PCCA: variants seen among roughly 807,000 people sequenced by gnomAD.
PCCA encodes the protein propionyl-CoA carboxylase subunit alpha, also known as propionyl-CoA carboxylase alpha chain, mitochondrial.
PCCA carries 74 observed loss-of-function variants against 101.3 expected under a neutral mutation model. The ratio of observed to expected loss-of-function variants is 0.73; its 90% CI spans 0.61 to 0.89. PCCA has a LOEUF of 0.89. Ranked by LOEUF, PCCA falls within the 40% of genes least tolerant of loss-of-function variation. The probability of loss-of-function intolerance (pLI) is 0.00; values close to 1 mark genes in which losing one functional copy is unlikely to be tolerated. For synonymous variants in PCCA, 294 were observed against 313.6 expected, an observed-to-expected ratio of 0.94 and a Z score of 0.66; for missense variants, 891 against 907.0, an observed-to-expected ratio of 0.98 and a Z score of 0.23.
chr13:100,393,316 A>G (rs778893843), intron 19 of PCCA, among the ~76,000 whole-genome samples: 3 of 152,124 alleles, frequency 2.0e-5, no homozygotes, highest in Non-Finnish European at 4.4e-5. Context: ...TTACCACTTT[A>G]AAGGCCAAAA....
At chr13:100,298,302 G>A (rs1595181229) in intron 12 of PCCA, among the ~76,000 whole-genome samples, 2 of 152,118 alleles carry the variant, frequency 1.3e-5, no homozygotes, top group Non-Finnish European at 2.9e-5. Context: ...TGCTGCGCAA[G>A]GCCCTTCTCT....
At chr13:100,293,626 A>G (rs1263614318) in intron 12 of PCCA, among the ~76,000 whole-genome samples, 1 of 152,166 alleles carries the variant, frequency 6.6e-6, no homozygotes, top group Non-Finnish European at 1.5e-5. Context: ...TCTTGTCAGA[A>G]GGGGCATTTT....
At chr13:100,298,032 A>C (rs150977674) in intron 12 of PCCA, among the ~76,000 whole-genome samples, 1 of 149,444 alleles carries the variant, frequency 6.7e-6, no homozygotes, top group African/African-American at 2.5e-5. Flanking sequence ...CAAGATTTAT[A>C]TATTCACATG....
At chr13:100,513,357 T>C (rs1460530176) in intron 21 of PCCA, among the ~76,000 whole-genome samples, 3 of 152,274 alleles carry the variant, frequency 2.0e-5, no homozygotes, top group Admixed American at 6.5e-5. Context: ...CCCAAACAGA[T>C]TTAAGAACAA....
chr13:100,436,356 G>A (rs546576217), intron 20 of PCCA, among the ~76,000 whole-genome samples: 1 of 152,348 alleles, frequency 6.6e-6, no homozygotes, highest in South Asian at 2.1e-4. Context: ...GTTTTGGACA[G>A]CAACCATTCA....
At chr13:100,205,963 C>A (rs143246292) in intron 6 of PCCA, among the ~76,000 whole-genome samples, 1 of 152,058 alleles carries the variant, frequency 6.6e-6, no homozygotes, top group African/African-American at 2.4e-5. Flanking sequence ...CACCTGGAGA[C>A]GTAGAGTTGA....
At chr13:100,519,045 G>C (rs2087038460) in intron 22 of PCCA, among the ~76,000 whole-genome samples, 1 of 152,272 alleles carries the variant, frequency 6.6e-6, no homozygotes, top group Admixed American at 6.5e-5. Flanking sequence ...CATTCGCTTT[G>C]TTAGCCTTTT....
At chr13:100,154,038 CT>C (rs981530833) in intron 4 of PCCA, among the ~76,000 whole-genome samples, 1 of 151,096 alleles carries the variant, frequency 6.6e-6, no homozygotes, top group Non-Finnish European at 1.5e-5. Context: ...TATTTGCCAC[CT>C]TTGACTTTTT....
chr13:100,152,595 C>T (rs972880805), intron 4 of PCCA, among the ~76,000 whole-genome samples: 3 of 151,932 alleles, frequency 2.0e-5, no homozygotes, highest in African/African-American at 7.3e-5. Context: ...TACAGGCGTC[C>T]GCCACCACGC....
intron 18 of PCCA, among the ~76,000 whole-genome samples, chr13:100,348,803 CCTTCCTTCCTTCCTTT>C (rs1325565593): frequency 2.8e-5 from 3 of 108,608 alleles, no homozygotes; most frequent in East Asian, 5.0e-4. Context: ...TTCCTTCCTT[CCTTCCTTCCTTCCTTT>C]CTTTCTTTTC....
At chr13:100,221,045 A>T (rs2059784850) in intron 7 of PCCA, among the ~76,000 whole-genome samples, 1 of 152,214 alleles carries the variant, frequency 6.6e-6, no homozygotes, top group Non-Finnish European at 1.5e-5. Context: ...TTGGATGATG[A>T]TCTGATGAAA....
At chr13:100,508,372 G>A (rs1273259594) in intron 21 of PCCA, among the ~76,000 whole-genome samples, 5 of 152,128 alleles carry the variant, frequency 3.3e-5, no homozygotes, top group East Asian at 3.9e-4. Flanking sequence ...GCTCACTGCC[G>A]TTGAGCCTCC....
chr13:100,105,487 T>G (rs2047667868), intron 2 of PCCA, among the ~76,000 whole-genome samples: 1 of 151,958 alleles, frequency 6.6e-6, no homozygotes, highest in African/African-American at 2.4e-5. Flanking sequence ...TCAGCCATCT[T>G]TCTCCTTATA....
intron 7 of PCCA, among the ~76,000 whole-genome samples, chr13:100,233,097 C>G (rs1280797587): frequency 6.6e-6 from 1 of 152,194 alleles, no homozygotes; most frequent in Non-Finnish European, 1.5e-5. Flanking sequence ...TTGTATGTCT[C>G]TCTGTGTTCA....
At chr13:100,452,635 C>T (rs56678807) in intron 21 of PCCA, among the ~76,000 whole-genome samples, 5,049 of 146,820 alleles carry the variant, frequency 0.034, 272 homozygotes, top group African/African-American at 0.13. Context: ...TATTCCCCCT[C>T]GCCCACTTTA....
At chr13:100,341,997 G>GTATATGTATTTATGTGTGTGTA (rs2071436458) in intron 18 of PCCA, among the ~76,000 whole-genome samples, 1 of 133,898 alleles carries the variant, frequency 7.5e-6, no homozygotes, top group Admixed American at 7.4e-5. Context: ...TTATGTGTGT[G>GTATATGTATTTATGTGTGTGTA]TATATATATG....
chr13:100,113,687 T>C (rs1299598789), intron 4 of PCCA, among the ~76,000 whole-genome samples: 3 of 151,652 alleles, frequency 2.0e-5, no homozygotes, highest in Admixed American at 2.0e-4. Context: ...CAAGCCATTC[T>C]CCTGCCTCAT....
intron 6 of PCCA, among the ~76,000 whole-genome samples, chr13:100,164,041 G>A (rs914159313): frequency 1.3e-5 from 2 of 152,054 alleles, no homozygotes; most frequent in African/African-American, 2.4e-5. Flanking sequence ...TGTTATAGTT[G>A]TCATATGTAT....
intron 21 of PCCA, among the ~76,000 whole-genome samples, chr13:100,456,930 C>T (rs1292114374): frequency 2.6e-5 from 4 of 152,004 alleles, no homozygotes; most frequent in East Asian, 1.9e-4. Flanking sequence ...TTCCCTGACT[C>T]CTCCAAGGAA....
Sources: gnomAD v4.1 joint callset for allele counts (sites outside exome capture counted in the v4.1 genomes callset) on GRCh38, gnomAD v4.1.1 for gene constraint, MANE v1.5 for transcripts, NCBI Gene and HGNC (gene_info 2026-07-23, HGNC 2026-07-21) for gene names.